PFKFB3: variants seen among roughly 807,000 people sequenced by gnomAD.
PFKFB3 encodes 6-phosphofructo-2-kinase/fructose-2,6-bisphosphatase 3.
PFKFB3 carries 33 observed loss-of-function variants against 68.0 expected under a neutral mutation model. The ratio of observed to expected loss-of-function variants is 0.49; its 90% confidence interval spans 0.37 to 0.65. The LOEUF (loss-of-function observed/expected upper bound fraction) is 0.65, where lower values mean the gene tolerates loss of function less well. PFKFB3 is among the 30% of genes least tolerant of loss of function. PFKFB3 has a pLI of 0.00. For synonymous variants in PFKFB3, 315 were observed against 288.2 expected, an observed-to-expected ratio of 1.09 and a Z score of -0.94; for missense variants, 586 against 712.2, an observed-to-expected ratio of 0.82 and a Z score of 2.02.
At chr10:6,254,663 A>G, downstream of PFKFB3, 1 of 245,850 alleles carries the variant, frequency 4.1e-6, no homozygotes, top group Non-Finnish European at 7.7e-6. Flanking sequence ...ATTATAAGAT[A>G]GACTTTGATG....
Position 6,216,781 on chromosome 10 carries a change from G to T in PFKFB3, c.441+1G>T. 1 of 1,609,748 alleles carries T rather than the reference G, an allele frequency of 6.2e-7. No homozygotes were observed. The highest frequency in any genetic ancestry group is 8.5e-7 in the Non-Finnish European group (1 of 1,175,990). ...TTTTGCCAAAGAAAATGACTTTAAG[G>T]TGAGCTGAGCGTCTTGTGTTGTGCT... On this transcript the variant is annotated splice_donor_variant, in intron 5 of 14. Coordinates refer to ENST00000379775, the MANE Select transcript of PFKFB3 (RefSeq NM_004566.4). LOFTEE classifies it high-confidence loss of function.
upstream of PFKFB3, among the ~76,000 whole-genome samples, chr10:6,201,576 G>A (rs1309543966): frequency 1.3e-5 from 2 of 151,340 alleles, no homozygotes; most frequent in African/African-American, 2.4e-5. The surrounding 1 kb of genome is among the most constrained non-coding windows in gnomAD (Gnocchi z 4.1). Flanking sequence ...GGTGGGGCGG[G>A]CGCGCGGGGC....
At chr10:6,269,325 T>A in the PFKFB3 span, among the ~76,000 whole-genome samples, 1 of 152,042 alleles carries the variant, frequency 6.6e-6, no homozygotes, top group East Asian at 1.9e-4. Context: ...CTCAGTGATC[T>A]AGGATGATTT....
the PFKFB3 span, among the ~76,000 whole-genome samples, chr10:6,271,980 C>T: frequency 6.6e-6 from 1 of 152,152 alleles, no homozygotes; most frequent in African/African-American, 2.4e-5. Context: ...CCAATCTCTA[C>T]CATGTGTGGG....
chr10:6,265,281 A>G, the PFKFB3 span, among the ~76,000 whole-genome samples: 2 of 151,898 alleles, frequency 1.3e-5, no homozygotes, highest in Admixed American at 6.6e-5. Context: ...GGGTTTCACC[A>G]TGTTGGCCAG....
At chr10:6,318,030 T>C in the PFKFB3 span, among the ~76,000 whole-genome samples, 1 of 152,220 alleles carries the variant, frequency 6.6e-6, no homozygotes, top group African/African-American at 2.4e-5. Context: ...CAGAAAACTA[T>C]ACATACATAA....
intron 1 of PFKFB3, among the ~76,000 whole-genome samples, chr10:6,172,234 G>A (rs1429063950): frequency 2.0e-5 from 3 of 152,226 alleles, no homozygotes; most frequent in African/African-American, 7.2e-5. Flanking sequence ...CACGTCGGGA[G>A]GGCAAGGTGT....
the PFKFB3 span, chr10:6,293,825 G>GT: frequency 7.4e-6 from 3 of 404,168 alleles, no homozygotes; most frequent in Non-Finnish European, 1.5e-5. Flanking sequence ...TTGATTTGGA[G>GT]TACTTGGTTC....
intron 1 of PFKFB3, among the ~76,000 whole-genome samples, chr10:6,211,846 A>C (rs1171636767): frequency 6.6e-6 from 1 of 152,230 alleles, no homozygotes; most frequent in African/African-American, 2.4e-5. Flanking sequence ...AATGGTCTCC[A>C]AATAGCATGG....
intron 1 of PFKFB3, among the ~76,000 whole-genome samples, chr10:6,187,198 T>TAAAAAAAA (rs770875957): frequency 7.0e-6 from 1 of 142,066 alleles, no homozygotes. Flanking sequence ...CTGTTTCTAC[T>TAAAAAAAA]AAAAAAAAAA....
At chr10:6,167,800 T>C (rs1842186405) in intron 1 of PFKFB3, among the ~76,000 whole-genome samples, 1 of 152,216 alleles carries the variant, frequency 6.6e-6, no homozygotes, top group Non-Finnish European at 1.5e-5. Flanking sequence ...TCCTAAACCT[T>C]GGTCTCATTC....
At chr10:6,263,020 G>GACAC in the PFKFB3 span, among the ~76,000 whole-genome samples, 2 of 151,866 alleles carry the variant, frequency 1.3e-5, no homozygotes, top group East Asian at 3.9e-4. Context: ...AGGAATTAAA[G>GACAC]ACACACACAC....
intron 1 of PFKFB3, among the ~76,000 whole-genome samples, chr10:6,172,195 T>C (rs1021743306): frequency 6.6e-6 from 1 of 152,254 alleles, no homozygotes; most frequent in African/African-American, 2.4e-5. Context: ...GGTATCGATT[T>C]GCTTCTTGGT....
At chr10:6,159,204 G>T (rs536583422) in intron 1 of PFKFB3, among the ~76,000 whole-genome samples, 34 of 152,114 alleles carry the variant, frequency 2.2e-4, no homozygotes, top group Middle Eastern at 3.4e-3. Context: ...AGATCAGCCT[G>T]CCCAACATGG....
the PFKFB3 span, chr10:6,326,432 C>T: frequency 7.2e-6 from 3 of 417,074 alleles, no homozygotes; most frequent in Non-Finnish European, 1.4e-5. Context: ...TGCACATGTA[C>T]CCCAGAACTT....
At chr10:6,159,610 T>C (rs1183882843) in intron 1 of PFKFB3, among the ~76,000 whole-genome samples, 1 of 150,870 alleles carries the variant, frequency 6.6e-6, no homozygotes, top group African/African-American at 2.4e-5. Flanking sequence ...GAGAATCGCT[T>C]GAACCCGGGA....
chr10:6,144,928 G>A (rs1841326298), upstream of PFKFB3: 2 of 1,185,196 alleles, frequency 1.7e-6, no homozygotes, highest in East Asian at 3.2e-5. Flanking sequence ...CCCGAGTCGC[G>A]GGGCTGCCGC....
At chr10:6,281,166 CATA>C in the PFKFB3 span, among the ~76,000 whole-genome samples, 16 of 84,508 alleles carry the variant, frequency 1.9e-4, 4 homozygotes, top group Non-Finnish European at 4.4e-4. Flanking sequence ...AGTATTCCAT[CATA>C]TATATATATA....
In PFKFB3 at chr10:6,228,655, A is replaced by T. The variant is rs56341765; in HGVS notation, c.1515+2290A>T. Among the ~76,000 whole-genome samples the T allele has an allele frequency of 0.29, 44,408 of 151,278 alleles. 7,121 individuals are homozygous for T. Among genetic ancestry groups the T allele is most frequent in the Middle Eastern group, 0.37 (109 of 292 alleles). On this transcript the variant is annotated intron_variant, in intron 14 of 14. Coordinates refer to ENST00000379775, the MANE Select transcript of PFKFB3 (RefSeq NM_004566.4). The surrounding 1 kb of genome is among the most constrained non-coding windows in gnomAD (Gnocchi z 4.5). ...TTTGTTTTGGAAGGAAAACTTACTC[A>T]GAGCCTAATCTGTAAACCAAACCTA...
Sources: allele counts gnomAD v4.1 joint callset (sites outside exome capture counted in the v4.1 genomes callset), GRCh38; gene constraint gnomAD v4.1.1; non-coding constraint Gnocchi (gnomAD v3.1); transcripts MANE v1.5; gene names NCBI Gene and HGNC (gene_info 2026-07-23, HGNC 2026-07-21).